GLDC: variants seen among roughly 807,000 people sequenced by gnomAD.
GLDC encodes glycine decarboxylase, also known as glycine dehydrogenase (decarboxylating), mitochondrial.
A neutral mutation model predicts 121.3 loss-of-function variants in GLDC; 104 were observed. The ratio of observed to expected loss-of-function variants is 0.86; its 90% CI spans 0.73 to 1.01. The LOEUF is 1.01. Among genes scored for constraint, GLDC ranks in the 50% least tolerant of loss-of-function variants. GLDC has a pLI of 0.00. For synonymous variants in GLDC, 546 were observed against 480.6 expected (o/e 1.14, Z -1.78); for missense variants, 1,429 against 1,306.6 (o/e 1.09, Z -1.44).
chr9:6,605,677 C>T (rs891167358), intron 5 of GLDC, among the ~76,000 whole-genome samples: 1 of 152,212 alleles, frequency 6.6e-6, no homozygotes, highest in South Asian at 2.1e-4. Context: ...TCCTTAGATT[C>T]CTGAACTAAT....
intron 4 of GLDC, among the ~76,000 whole-genome samples, chr9:6,608,342 A>G: frequency 6.7e-6 from 1 of 149,976 alleles, no homozygotes; most frequent in East Asian, 2.0e-4. Flanking sequence ...GAATGACGTG[A>G]ACCCAGGAGG....
At chr9:6,560,573 A>G (rs144089931) in intron 16 of GLDC, among the ~76,000 whole-genome samples, 46 of 152,368 alleles carry the variant, frequency 3.0e-4, no homozygotes, top group Admixed American at 1.6e-3. Context: ...TAGTCTACAA[A>G]AGGATCGTTG....
chr9:6,614,040 G>A (rs927879929), intron 3 of GLDC, among the ~76,000 whole-genome samples: 1 of 151,692 alleles, frequency 6.6e-6, no homozygotes, highest in African/African-American at 2.4e-5. Context: ...GCCTCCCAAA[G>A]TGCTGGGATT....
intron 2 of GLDC, chr9:6,622,926 T>C (rs1301806369): frequency 4.3e-4 from 86 of 200,458 alleles, no homozygotes; most frequent in African/African-American, 7.2e-4. Flanking sequence ...CACCTCTGCC[T>C]GGCCGCGACC....
rs1310810720 is a variant in GLDC at position 6,610,371 on chromosome 9, A to G, written c.471-15T>C. On this transcript the variant is annotated splice_polypyrimidine_tract_variant and intron_variant, in intron 3 of 24. Transcript: ENST00000321612. Reference sequence around the variant, plus strand: ...ACTGGGTGATCCTGCAAGGGAAACAAAAGGTCTTGTCCAAACTGACTGCTG... The same window carrying G: ...ACTGGGTGATCCTGCAAGGGAAACAGAAGGTCTTGTCCAAACTGACTGCTG... The G allele has an allele frequency of 1.2e-6, 2 of 1,613,754 alleles. No individual in the cohort carries two copies. The highest frequency in any genetic ancestry group is 4.5e-5 in the East Asian group (2 of 44,884).
Position 6,587,300 on chromosome 9 carries a change from C to CA in GLDC, c.1708-18dup. On this transcript the variant is annotated splice_polypyrimidine_tract_variant and intron_variant, in intron 14 of 24. Coordinates refer to ENST00000321612, the MANE Select transcript of GLDC (RefSeq NM_000170.3). Reference sequence around the variant, plus strand: ...TGTGATAGGCTGAAAAGAAAGAAAACAAAAATGCATATATACATATTATAA... The same window carrying CA: ...TGTGATAGGCTGAAAAGAAAGAAAACAAAAAATGCATATATACATATTATAA... 6.3e-7 allele frequency: 1 copy of CA among 1,588,498 alleles called. No homozygotes were observed. The highest frequency in any genetic ancestry group is 8.6e-7 in the Non-Finnish European group (1 of 1,157,062).
At chr9:6,550,589 T>G (rs1001869475) in intron 21 of GLDC, among the ~76,000 whole-genome samples, 2 of 152,180 alleles carry the variant, frequency 1.3e-5, no homozygotes, top group African/African-American at 4.8e-5. Context: ...ATCCTGCCAC[T>G]GGACTCCAGC....
At position 6,632,940 on chromosome 9, in the gene GLDC, G is replaced by C. The variant is rs146345232; in HGVS notation, c.334+11674C>G. 6.1e-3 allele frequency among the ~76,000 whole-genome samples: 931 copies of C among 152,126 alleles called. 13 individuals are homozygous for C. The highest frequency in any genetic ancestry group is 0.021 in the African/African-American group (887 of 41,464). On this transcript the variant is annotated intron_variant, in intron 2 of 24. Transcript: ENST00000321612. Reference sequence around the variant, plus strand: ...TCTCAGCAGACCCTCCCTGCAGGCCGATCGAGGGTCCTCGCCACCCAGATG... The same window carrying C: ...TCTCAGCAGACCCTCCCTGCAGGCCCATCGAGGGTCCTCGCCACCCAGATG...
intron 15 of GLDC, among the ~76,000 whole-genome samples, chr9:6,571,878 T>C (rs555258954): frequency 2.6e-5 from 4 of 152,264 alleles, no homozygotes; most frequent in African/African-American, 9.6e-5. Context: ...GAATAGAATA[T>C]AGAATCCAGA....
At chr9:6,620,097 G>T in intron 3 of GLDC, 87 bp downstream of exon 3, 4 of 1,314,846 alleles carry the variant, frequency 3.0e-6, no homozygotes, top group Non-Finnish European at 3.3e-6. Context: ...CAGTGTGGAG[G>T]CTCTGAGACT....
intron 15 of GLDC, among the ~76,000 whole-genome samples, chr9:6,577,625 A>C (rs534813761): frequency 3.6e-4 from 55 of 152,284 alleles, no homozygotes; most frequent in Non-Finnish European, 6.9e-4. Context: ...AAGTAAAATC[A>C]CCTGATATTC....
intron 15 of GLDC, among the ~76,000 whole-genome samples, chr9:6,577,733 T>C (rs1294116755): frequency 6.6e-6 from 1 of 151,962 alleles, no homozygotes; most frequent in Non-Finnish European, 1.5e-5. Context: ...GCAGCTAACA[T>C]CTGTTGTACT....
rs767326222 is a variant in GLDC, at chr9:6,620,273, G to C, written c.381C>G (p.Asn127Lys). The C allele has an allele frequency of 2.5e-6, 4 of 1,613,568 alleles. No individual in the cohort carries two copies. The highest frequency in any genetic ancestry group is 3.4e-6 in the Non-Finnish European group (4 of 1,179,476). Residue 127 changes from asparagine to lysine, a missense_variant, in exon 3 of 25, where the codon AAC becomes AAG. Physicochemically the swap from Asn to Lys is moderately conservative, Grantham distance 94. Transcript: ENST00000321612. ...TGCCAATATACGATCTCCAGATCTG[G>C]TTTTTGCTTGAAATGGCATGCAGAG... is the stretch of plus-strand genomic sequence containing the variant. The part of the protein sequence containing the change: ...LATLHAISSK[N>K]QIWRSYIGMG...
intron 16 of GLDC, among the ~76,000 whole-genome samples, chr9:6,562,581 AG>A: frequency 6.6e-6 from 1 of 152,088 alleles, no homozygotes; most frequent in Non-Finnish European, 1.5e-5. Flanking sequence ...TTTTTTTGAG[AG>A]GGAGTCTTGC....
intron 8 of GLDC, among the ~76,000 whole-genome samples, chr9:6,601,464 G>C (rs1408837240): frequency 1.3e-5 from 2 of 152,142 alleles, no homozygotes; most frequent in South Asian, 4.1e-4. Flanking sequence ...CTTACGCTTT[G>C]CCTGTTCAGG....
chr9:6,537,432 T>A (rs1817151512), intron 22 of GLDC, among the ~76,000 whole-genome samples: 1 of 152,120 alleles, frequency 6.6e-6, no homozygotes, highest in African/African-American at 2.4e-5. Context: ...TTACATGGAG[T>A]ACTTTAAAGT....
At chr9:6,636,493 G>A (rs1448130990) in intron 2 of GLDC, among the ~76,000 whole-genome samples, 5 of 152,118 alleles carry the variant, frequency 3.3e-5, no homozygotes, top group Admixed American at 2.6e-4. Context: ...AAATAAAGTT[G>A]GTCGGGCAAG....
At chr9:6,540,249 T>C (rs1817227152) in intron 21 of GLDC, 103 bp from the exon 22 acceptor site, 2 of 803,308 alleles carry the variant, frequency 2.5e-6, no homozygotes, top group Admixed American at 1.9e-5. Flanking sequence ...GCTTTTTATG[T>C]GTATCAGCGA....
rs1554646517 is a variant in GLDC, at chr9:6,587,172, C to G, written c.1819G>C (p.Gly607Arg). Reference sequence around the variant, plus strand: ...GGCTGGAAACAGACCTGGTCATAACCTGTGAGTTCACACAAATCCTTCTCA... The same window carrying G: ...GGCTGGAAACAGACCTGGTCATAACGTGTGAGTTCACACAAATCCTTCTCA... The part of the protein sequence containing the change: ...ELEKDLCELT[G>R]YDQVCFQPNS... The change falls in exon 15 of 25, where the codon GGT (glycine) becomes CGT (arginine). Residue 607 changes from glycine (G) to arginine (R), a missense_variant. Transcript: ENST00000321612. The G allele has an allele frequency of 1.2e-6, 2 of 1,613,856 alleles. No individual in the cohort carries two copies. The highest frequency in any genetic ancestry group is 1.7e-6 in the Non-Finnish European group (2 of 1,179,860).
Sources: gnomAD v4.1 joint callset for allele counts (sites outside exome capture counted in the v4.1 genomes callset) on GRCh38, gnomAD v4.1.1 for gene constraint, MANE v1.5 for transcripts, NCBI Gene and HGNC (gene_info 2026-07-23, HGNC 2026-07-21) for gene names.